Variants in FGD4 observed in about 807,000 individuals in gnomAD.
FGD4 encodes FYVE, RhoGEF and PH domain containing 4.
In FGD4, 42 loss-of-function variants were observed where a neutral mutation model predicts 102.0. The ratio of observed to expected loss-of-function variants is 0.41; its 90% CI spans 0.32 to 0.53. The LOEUF (loss-of-function observed/expected upper bound fraction) is 0.53. FGD4 is among the 20% of genes least tolerant of loss of function. The pLI, the probability that FGD4 is intolerant of heterozygous loss-of-function variation, is 0.21. For missense variants in FGD4, 902 were observed against 1,078.2 expected, an observed-to-expected ratio of 0.84 and a Z score of 2.29; for synonymous variants, 380 against 375.7, an observed-to-expected ratio of 1.01 and a Z score of -0.13.
At chr12:32,636,973 C>T (rs1592502783) in intron 15 of FGD4, among the ~76,000 whole-genome samples, 1 of 149,924 alleles carries the variant, frequency 6.7e-6, no homozygotes, top group Non-Finnish European at 1.5e-5. Context: ...CCGGTCCAAG[C>T]AATTCTTATG....
chr12:32,424,818 C>A (rs1226985099), intron 1 of FGD4, among the ~76,000 whole-genome samples: 1 of 152,158 alleles, frequency 6.6e-6, no homozygotes, highest in Non-Finnish European at 1.5e-5. Flanking sequence ...TCTCTAATGA[C>A]CAGTGATGAT....
intron 1 of FGD4, among the ~76,000 whole-genome samples, chr12:32,411,033 C>T (rs928543327): frequency 6.0e-5 from 9 of 150,064 alleles, no homozygotes; most frequent in African/African-American, 1.7e-4. Context: ...CAGGTTCCAG[C>T]GATTCTCTTG....
intron 1 of FGD4, among the ~76,000 whole-genome samples, chr12:32,414,713 A>G (rs1452752014): frequency 2.0e-5 from 3 of 152,196 alleles, no homozygotes; most frequent in Non-Finnish European, 2.9e-5. Flanking sequence ...TTCACTTAGC[A>G]TAATGACTTC....
intron 1 of FGD4, among the ~76,000 whole-genome samples, chr12:32,560,785 T>C (rs1171082862): frequency 4.0e-5 from 6 of 151,332 alleles, no homozygotes; most frequent in Non-Finnish European, 5.9e-5. Context: ...CTCAACCTCC[T>C]GGGCTCAAGA....
chr12:32,611,018 T>G, intron 9 of FGD4, 119 bp from the exon 10 acceptor site: 3 of 1,326,146 alleles, frequency 2.3e-6, no homozygotes, highest in Non-Finnish European at 3.2e-6. Flanking sequence ...GAATTTATAT[T>G]AAAATGTATG....
intron 1 of FGD4, among the ~76,000 whole-genome samples, chr12:32,430,880 G>A (rs549925156): frequency 6.6e-6 from 1 of 152,310 alleles, no homozygotes; most frequent in Non-Finnish European, 1.5e-5. Flanking sequence ...GTAAACTCAG[G>A]CCATTGCCTA....
intron 1 of FGD4, among the ~76,000 whole-genome samples, chr12:32,558,768 G>A (rs115192474): frequency 1.3e-3 from 205 of 152,338 alleles, no homozygotes; most frequent in African/African-American, 4.8e-3. Context: ...TTGGAACGAG[G>A]GAGCTATATC....
Position 32,402,667 on chromosome 12 carries a change from A to G in FGD4, c.166+2708A>G, listed in dbSNP as rs575729647. 8.6e-5 allele frequency among the ~76,000 whole-genome samples: 13 copies of G among 151,816 alleles called. No homozygotes were observed. The South Asian group carries it at 2.3e-3, about 27-fold the overall frequency. ...TTTTTAAAATGGAGAACCTAGCACT[A>G]CCTTTTCTAGGTGTGTTACATTGTC... On this transcript the variant is annotated intron_variant, in intron 1 of 16. Transcript: ENST00000534526.
At chr12:32,409,574 A>C (rs1941114682) in intron 1 of FGD4, among the ~76,000 whole-genome samples, 1 of 147,950 alleles carries the variant, frequency 6.8e-6, no homozygotes. Flanking sequence ...GGTGTAAGCC[A>C]CTGTGCCCAG....
At chr12:32,580,737 A>T (rs371946188) in intron 3 of FGD4, among the ~76,000 whole-genome samples, 1 of 152,154 alleles carries the variant, frequency 6.6e-6, no homozygotes, top group Middle Eastern at 3.4e-3. Context: ...AATACAAAAA[A>T]TTAGCCGGGC....
chr12:32,525,695 G>C (rs1375056717), intron 1 of FGD4, among the ~76,000 whole-genome samples: 21 of 152,236 alleles, frequency 1.4e-4, no homozygotes, highest in Admixed American at 1.4e-3. Context: ...GCGGGAACCG[G>C]GGCTGCGTGT....
intron 1 of FGD4, among the ~76,000 whole-genome samples, chr12:32,524,159 G>A (rs964240726): frequency 1.3e-5 from 2 of 151,912 alleles, no homozygotes; most frequent in Admixed American, 1.3e-4. Context: ...CACTTTGGGA[G>A]GCCGAGGCGG....
At chr12:32,435,611 G>T (rs563733357) in intron 1 of FGD4, among the ~76,000 whole-genome samples, 16 of 151,182 alleles carry the variant, frequency 1.1e-4, no homozygotes, top group Non-Finnish European at 2.4e-4. Context: ...TAATTTTGTT[G>T]ATTTTTTTGG....
At chr12:32,538,435 C>T (rs2136111092) in intron 1 of FGD4, among the ~76,000 whole-genome samples, 1 of 152,236 alleles carries the variant, frequency 6.6e-6, no homozygotes, top group Middle Eastern at 3.4e-3. Context: ...CATTTCTTCC[C>T]TTCAGTTCTC....
intron 1 of FGD4, among the ~76,000 whole-genome samples, chr12:32,528,930 G>A (rs1050070318): frequency 5.9e-5 from 9 of 152,130 alleles, no homozygotes; most frequent in African/African-American, 2.2e-4. Context: ...CTAAAGAGGT[G>A]ATAGAAAACT....
At chr12:32,510,587 C>T (rs576800570) in intron 1 of FGD4, among the ~76,000 whole-genome samples, 2 of 151,782 alleles carry the variant, frequency 1.3e-5, no homozygotes, top group South Asian at 2.1e-4. Context: ...CTAGTAGGGA[C>T]GATAAACCTG....
At chr12:32,500,908 C>G (rs1938171576) in intron 1 of FGD4, among the ~76,000 whole-genome samples, 1 of 152,214 alleles carries the variant, frequency 6.6e-6, no homozygotes, top group African/African-American at 2.4e-5. Context: ...AGGACCTTGG[C>G]TTGCTGTTGA....
At chr12:32,479,631 T>C (rs1421795885) in intron 1 of FGD4, among the ~76,000 whole-genome samples, 1 of 150,264 alleles carries the variant, frequency 6.7e-6, no homozygotes, top group East Asian at 1.9e-4. Context: ...TAATTAAATT[T>C]AATCCTCTAA....
At chr12:32,613,939 G>A (rs12311362) in intron 10 of FGD4, among the ~76,000 whole-genome samples, 42,883 of 152,012 alleles carry the variant, frequency 0.28, 6,403 homozygotes, top group South Asian at 0.41. Flanking sequence ...AGACAATGCC[G>A]CAAAGAAATC....
Sources: allele counts gnomAD v4.1 joint callset (sites outside exome capture counted in the v4.1 genomes callset), GRCh38; gene constraint gnomAD v4.1.1; transcripts MANE v1.5; gene names NCBI Gene and HGNC (gene_info 2026-07-23, HGNC 2026-07-21).